KLHL1: variants seen among roughly 807,000 people sequenced by gnomAD.
KLHL1 encodes kelch like family member 1.
Under a neutral mutation model 77.7 loss-of-function variants are expected in KLHL1, and 47 were observed. The observed-to-expected ratio is 0.60, with a 90% confidence interval of 0.48 to 0.77. The LOEUF is 0.77. Among genes scored for constraint, KLHL1 ranks in the 30% least tolerant of loss-of-function variants. The pLI, the probability that KLHL1 is intolerant of heterozygous loss-of-function variation, is 0.00. For missense variants in KLHL1, 925 were observed against 910.8 expected, an observed-to-expected ratio of 1.02 and a Z score of -0.20; for synonymous variants, 360 against 325.2, an observed-to-expected ratio of 1.11 and a Z score of -1.15.
At chr13:69,855,337 TAGATAGATAGACAGAC>T (rs879677717) in intron 5 of KLHL1, among the ~76,000 whole-genome samples, 5,343 of 72,146 alleles carry the variant, frequency 0.074, 151 homozygotes, top group East Asian at 0.17. Flanking sequence ...GATAGATAGA[TAGATAGATAGACAGAC>T]AGATAGATAC....
chr13:70,032,183 T>C (rs1886118239), intron 1 of KLHL1, among the ~76,000 whole-genome samples: 2 of 152,166 alleles, frequency 1.3e-5, no homozygotes, highest in South Asian at 4.1e-4. Flanking sequence ...ACTTAATAGA[T>C]GCTATGACTA....
chr13:69,785,977 T>G (rs1876520517), intron 7 of KLHL1, among the ~76,000 whole-genome samples: 1 of 152,148 alleles, frequency 6.6e-6, no homozygotes, highest in Non-Finnish European at 1.5e-5. Flanking sequence ...ACTCTCTGAA[T>G]AGACCAATAA....
chr13:69,979,500 T>C (rs1343813466), intron 1 of KLHL1, among the ~76,000 whole-genome samples: 1 of 152,124 alleles, frequency 6.6e-6, no homozygotes, highest in Non-Finnish European at 1.5e-5. Flanking sequence ...AAACTACTAA[T>C]TTAAAAAGGA....
intron 9 of KLHL1, among the ~76,000 whole-genome samples, chr13:69,713,194 G>T (rs1467910309): frequency 6.6e-6 from 1 of 151,968 alleles, no homozygotes; most frequent in South Asian, 2.1e-4. Flanking sequence ...ACAGTTTCTA[G>T]TTTGATTCAT....
chr13:69,956,321 T>TA (rs1350233016), intron 3 of KLHL1, among the ~76,000 whole-genome samples: 2 of 150,670 alleles, frequency 1.3e-5, no homozygotes, highest in Non-Finnish European at 3.0e-5. Context: ...TCATAAGGCA[T>TA]AGTACATAGT....
At chr13:70,055,711 G>C (rs1203137133) in intron 1 of KLHL1, among the ~76,000 whole-genome samples, 1 of 152,010 alleles carries the variant, frequency 6.6e-6, no homozygotes, top group Non-Finnish European at 1.5e-5. Flanking sequence ...TTTTCTCTTT[G>C]TTAATTGGTT....
chr13:69,737,379 C>A (rs896990523), intron 8 of KLHL1, among the ~76,000 whole-genome samples: 1 of 152,226 alleles, frequency 6.6e-6, no homozygotes, highest in Non-Finnish European at 1.5e-5. Flanking sequence ...GAGGCTGATG[C>A]CAGGGAGCCA....
chr13:69,709,273 T>TA (rs1467921745), intron 9 of KLHL1, among the ~76,000 whole-genome samples: 5 of 152,022 alleles, frequency 3.3e-5, no homozygotes, highest in African/African-American at 1.2e-4. Context: ...AAATCTCCTT[T>TA]AAAAATATTT....
chr13:69,916,595 TG>T (rs1320850756), intron 4 of KLHL1, among the ~76,000 whole-genome samples: 1 of 140,770 alleles, frequency 7.1e-6, no homozygotes, highest in African/African-American at 2.7e-5. Flanking sequence ...TGTTGTGGAG[TG>T]GGGGGAAGGG....
Position 69,975,703 on chromosome 13 carries a change from G to A in KLHL1, c.597C>T (p.Phe199=), listed in dbSNP as rs769910539. The change falls in exon 2 of 11, where the codon TTC becomes TTT. Residue 199 remains phenylalanine (F), a synonymous_variant. Transcript: ENST00000377844. ...YQAVHHAEQT[F]RKMESYLKQQ... ...GCTTCAAATAACTTTCCATCTTTCT[G>A]AAGGTTTGCTCAGCATGATGAACAG... The A allele has an allele frequency of 3.1e-6, 5 of 1,613,624 alleles. No individual in the cohort carries two copies. Among genetic ancestry groups the A allele is most frequent in the Non-Finnish European group, 4.2e-6 (5 of 1,179,806 alleles).
At chr13:69,900,612 C>T (rs1395596109) in intron 4 of KLHL1, among the ~76,000 whole-genome samples, 1 of 152,142 alleles carries the variant, frequency 6.6e-6, no homozygotes, top group Non-Finnish European at 1.5e-5. Context: ...AAAAGTTTTA[C>T]TGCACTAGGA....
chr13:70,048,972 T>C (rs988304594), intron 1 of KLHL1, among the ~76,000 whole-genome samples: 1 of 152,224 alleles, frequency 6.6e-6, no homozygotes, highest in Non-Finnish European at 1.5e-5. Flanking sequence ...TGCTTGGAGT[T>C]AGTCTACATC....
At chr13:69,995,784 C>G (rs1469260595) in intron 1 of KLHL1, among the ~76,000 whole-genome samples, 1 of 152,052 alleles carries the variant, frequency 6.6e-6, no homozygotes, top group Admixed American at 6.6e-5. Flanking sequence ...GTGTGTTCCA[C>G]CAGATGAATA....
chr13:69,756,639 A>G (rs576134191), intron 7 of KLHL1, among the ~76,000 whole-genome samples: 157 of 152,308 alleles, frequency 1.0e-3, no homozygotes, highest in African/African-American at 3.6e-3. Flanking sequence ...CTAAATTAAC[A>G]TGGTAAATTA....
chr13:70,039,070 T>C (rs1886309216), intron 1 of KLHL1, among the ~76,000 whole-genome samples: 1 of 144,160 alleles, frequency 6.9e-6, no homozygotes, highest in East Asian at 2.0e-4. Flanking sequence ...TTTTTTTTTT[T>C]TTTTTGTAAT....
chr13:70,036,832 G>GGT (rs1886249542), intron 1 of KLHL1, among the ~76,000 whole-genome samples: 1 of 95,110 alleles, frequency 1.1e-5, no homozygotes, highest in African/African-American at 3.8e-5. Flanking sequence ...TTAATGCCAT[G>GGT]GTCTTTTTTT....
chr13:70,005,733 C>A (rs1395249512), intron 1 of KLHL1, among the ~76,000 whole-genome samples: 1 of 151,812 alleles, frequency 6.6e-6, no homozygotes, highest in African/African-American at 2.4e-5. Context: ...CCAAGTATAG[C>A]AGGGAAAATT....
intron 5 of KLHL1, among the ~76,000 whole-genome samples, chr13:69,848,455 A>G (rs1879558206): frequency 6.6e-6 from 1 of 151,592 alleles, no homozygotes; most frequent in African/African-American, 2.4e-5. Flanking sequence ...TCAGTTAAAA[A>G]TAATTTTGGC....
chr13:69,949,769 A>C (rs951381052), intron 3 of KLHL1, among the ~76,000 whole-genome samples: 17 of 151,784 alleles, frequency 1.1e-4, no homozygotes, highest in Non-Finnish European at 1.2e-4. Context: ...AATGTTTCAA[A>C]AAAGGAAGGA....
Sources: gnomAD v4.1 joint callset for allele counts (sites outside exome capture counted in the v4.1 genomes callset) on GRCh38, gnomAD v4.1.1 for gene constraint, MANE v1.5 for transcripts, NCBI Gene and HGNC (gene_info 2026-07-23, HGNC 2026-07-21) for gene names.